Variants in RAP1GAP2 observed in about 807,000 individuals in gnomAD.
RAP1GAP2 encodes RAP1 GTPase activating protein 2.
RAP1GAP2 carries 27 observed loss-of-function variants against 95.0 expected under a neutral mutation model. The ratio of observed to expected loss-of-function variants is 0.28; its 90% confidence interval spans 0.21 to 0.39. The LOEUF (loss-of-function observed/expected upper bound fraction) is 0.39, where lower values mean the gene tolerates loss of function less well. Among genes scored for constraint, RAP1GAP2 ranks in the 10% least tolerant of loss-of-function variants. The pLI is 1.00. For missense variants in RAP1GAP2, 771 were observed against 970.0 expected (o/e 0.79, Z 2.72); for synonymous variants, 373 against 380.9 (o/e 0.98, Z 0.24).
At chr17:2,975,700 T>C (rs546812354) in intron 8 of RAP1GAP2, among the ~76,000 whole-genome samples, 1 of 152,254 alleles carries the variant, frequency 6.6e-6, no homozygotes, top group Non-Finnish European at 1.5e-5. Context: ...GGTGGTCTCC[T>C]GTGCAGTTAA....
chr17:2,952,996 G>A (rs2043971169), intron 3 of RAP1GAP2, among the ~76,000 whole-genome samples: 1 of 151,778 alleles, frequency 6.6e-6, no homozygotes, highest in South Asian at 2.1e-4. Flanking sequence ...AGTAGAGACA[G>A]GGTTTCACTA....
chr17:2,831,933 TG>T (rs1472083761), intron 2 of RAP1GAP2, among the ~76,000 whole-genome samples: 1 of 151,310 alleles, frequency 6.6e-6, no homozygotes, highest in Admixed American at 6.6e-5. Flanking sequence ...AGGCTGGGCG[TG>T]GTGGCTCACG....
intron 3 of RAP1GAP2, among the ~76,000 whole-genome samples, chr17:2,923,760 G>A (rs952445237): frequency 6.6e-6 from 1 of 151,844 alleles, no homozygotes; most frequent in African/African-American, 2.4e-5. Flanking sequence ...CAATTGTAAA[G>A]TACAGAGAAA....
rs182803772 is a variant in RAP1GAP2 at position 2,881,553 on chromosome 17, A to G, written c.81-23731A>G. Among the ~76,000 whole-genome samples the G allele has an allele frequency of 2.2e-4, 33 of 152,218 alleles. No individual in the cohort carries two copies. The East Asian group carries it at 6.4e-3, about 29-fold the overall frequency. On this transcript the variant is annotated intron_variant, in intron 2 of 24. Coordinates refer to ENST00000254695, the MANE Select transcript of RAP1GAP2 (RefSeq NM_015085.5). Reference sequence around the variant, plus strand: ...GTTTTGTTTATCCACTCATTCGTTCATGGACATTTGTGTTTCTTTCACCTG... The same window carrying G: ...GTTTTGTTTATCCACTCATTCGTTCGTGGACATTTGTGTTTCTTTCACCTG...
chr17:2,984,838 C>T (rs8067068), intron 10 of RAP1GAP2, 145 bp from the exon 11 acceptor site: 58,602 of 1,371,258 alleles, frequency 0.043, 2,229 homozygotes, highest in East Asian at 0.17. Context: ...CTTATTATTT[C>T]TCTCTCTCTC....
chr17:2,795,356 T>C (rs1218239970), upstream of RAP1GAP2, among the ~76,000 whole-genome samples: 1 of 152,152 alleles, frequency 6.6e-6, no homozygotes, highest in East Asian at 1.9e-4. Flanking sequence ...CCAGGTGTGG[T>C]CAGCACCAGT....
chr17:2,810,542 T>C (rs1219838214), intron 2 of RAP1GAP2, among the ~76,000 whole-genome samples: 1 of 139,150 alleles, frequency 7.2e-6, no homozygotes, highest in Non-Finnish European at 1.6e-5. Flanking sequence ...TTTTTTTTTT[T>C]TTTTTTGAGA....
At chr17:2,925,055 C>T (rs987475807) in intron 3 of RAP1GAP2, among the ~76,000 whole-genome samples, 1 of 152,186 alleles carries the variant, frequency 6.6e-6, no homozygotes, top group Admixed American at 6.5e-5. Context: ...TGCCCCTTGG[C>T]GGTGGTCAGT....
At position 2,855,740 on chromosome 17, in the gene RAP1GAP2, G is replaced by C. The variant is rs1020315025; in HGVS notation, c.81-49544G>C. 5.9e-5 allele frequency among the ~76,000 whole-genome samples: 9 copies of C among 152,130 alleles called. No homozygotes were observed. Among genetic ancestry groups the C allele is most frequent in the Non-Finnish European group, 1.3e-4 (9 of 68,028 alleles). On this transcript the variant is annotated intron_variant, in intron 2 of 24. Transcript: ENST00000254695. This position sits in a 1 kb window ranked among gnomAD's most constrained non-coding sequence, Gnocchi z 4.3. ...CAATTCTCGGGCCTCAGCCTCCGGA[G>C]TAGCTGGGACTACAAGTACCCACCA...
intron 1 of RAP1GAP2, among the ~76,000 whole-genome samples, chr17:2,787,847 A>T (rs572863171): frequency 6.6e-6 from 1 of 152,188 alleles, no homozygotes; most frequent in African/African-American, 2.4e-5. Flanking sequence ...GATTACAGGC[A>T]TGAGCCACCG....
At chr17:2,974,327 C>T (rs907889410) in intron 8 of RAP1GAP2, among the ~76,000 whole-genome samples, 21 of 149,572 alleles carry the variant, frequency 1.4e-4, no homozygotes, top group South Asian at 4.2e-4. Flanking sequence ...CTGGCCTGGG[C>T]GAAAGAGCGA....
intron 2 of RAP1GAP2, among the ~76,000 whole-genome samples, chr17:2,843,443 G>A (rs2071450709): frequency 6.6e-6 from 1 of 151,916 alleles, no homozygotes; most frequent in African/African-American, 2.4e-5. Flanking sequence ...ATGCCACCAT[G>A]ACTGACTACT....
intron 2 of RAP1GAP2, among the ~76,000 whole-genome samples, chr17:2,824,663 C>T (rs527309257): frequency 1.3e-5 from 2 of 148,636 alleles, no homozygotes; most frequent in African/African-American, 5.0e-5. Context: ...TTGCTTGAAC[C>T]TGGGAGGCGG....
At chr17:2,886,339 A>G (rs1426448155) in intron 2 of RAP1GAP2, among the ~76,000 whole-genome samples, 1 of 151,620 alleles carries the variant, frequency 6.6e-6, no homozygotes, top group Non-Finnish European at 1.5e-5. Context: ...CGCCCAGCTA[A>G]TTTTTGTATT....
chr17:2,804,174 G>T (rs77090692), intron 2 of RAP1GAP2, among the ~76,000 whole-genome samples: 1,700 of 152,296 alleles, frequency 0.011, 39 homozygotes, highest in African/African-American at 0.038. Context: ...CTGCAGCCCA[G>T]GCTCCCTGGT....
chr17:2,859,948 C>T (rs1157899408), intron 2 of RAP1GAP2, among the ~76,000 whole-genome samples: 2 of 145,304 alleles, frequency 1.4e-5, no homozygotes, highest in South Asian at 2.2e-4. Context: ...TTTTTTTTGG[C>T]AAGATCGTGC....
intron 3 of RAP1GAP2, among the ~76,000 whole-genome samples, chr17:2,936,427 C>A (rs1349784193): frequency 2.0e-5 from 3 of 151,838 alleles, no homozygotes; most frequent in African/African-American, 4.8e-5. Context: ...CAGCCAGATT[C>A]TCCTTTGTGC....
At chr17:3,010,336 CAAAAAAA>C (rs1179623628) in intron 17 of RAP1GAP2, among the ~76,000 whole-genome samples, 31 of 70,272 alleles carry the variant, frequency 4.4e-4, no homozygotes, top group Admixed American at 2.8e-3. Context: ...GAGACTGTCT[CAAAAAAA>C]AAAAAAAAAA....
At chr17:2,888,370 C>T (rs1185407493) in intron 2 of RAP1GAP2, among the ~76,000 whole-genome samples, 1 of 152,164 alleles carries the variant, frequency 6.6e-6, no homozygotes, top group Admixed American at 6.5e-5. Flanking sequence ...AGAAATGATT[C>T]CTCCTTTCGG....
Sources: gnomAD v4.1 joint callset for allele counts (sites outside exome capture counted in the v4.1 genomes callset) on GRCh38, gnomAD v4.1.1 for gene constraint, Gnocchi (gnomAD v3.1) non-coding constraint, MANE v1.5 for transcripts, NCBI Gene and HGNC (gene_info 2026-07-23, HGNC 2026-07-21) for gene names.